PANX1: variants seen among roughly 807,000 people sequenced by gnomAD.
The protein encoded by PANX1 is pannexin-1.
PANX1 carries 30 observed loss-of-function variants against 38.7 expected under a neutral mutation model. The ratio of observed to expected loss-of-function variants is 0.78; its 90% CI spans 0.58 to 1.05. The LOEUF (loss-of-function observed/expected upper bound fraction) is 1.05. Ranked by LOEUF, PANX1 falls within the 50% of genes least tolerant of loss-of-function variation. The pLI is 0.00. For synonymous variants in PANX1, 230 were observed against 212.2 expected (o/e 1.08, Z -0.73); for missense variants, 551 against 517.2 (o/e 1.07, Z -0.63).
chr11:94,153,654 G>C (rs1946912177), intron 2 of PANX1, 24 bp downstream of exon 2: 1 of 1,607,860 alleles, frequency 6.2e-7, no homozygotes. Flanking sequence ...TTTCCAAATA[G>C]AACCTGTTTG....
chr11:94,133,660 G>A (rs1197751739), intron 1 of PANX1, among the ~76,000 whole-genome samples: 5 of 152,116 alleles, frequency 3.3e-5, no homozygotes, highest in Admixed American at 6.5e-5. Context: ...CCTCCTCTGA[G>A]ATTCAGCTGG....
chr11:94,144,261 A>G (rs1017802962), intron 1 of PANX1, among the ~76,000 whole-genome samples: 4 of 151,910 alleles, frequency 2.6e-5, no homozygotes, highest in African/African-American at 4.8e-5. Context: ...ATTTCTTACA[A>G]TGCAAAAACC....
intron 2 of PANX1, among the ~76,000 whole-genome samples, chr11:94,165,362 T>G (rs1947090863): frequency 6.6e-6 from 1 of 151,582 alleles, no homozygotes; most frequent in African/African-American, 2.4e-5. Flanking sequence ...TTATTATTAT[T>G]ATACTTTAAG....
In PANX1 at chr11:94,162,141, C is replaced by T. The variant is rs555674960; in HGVS notation, c.321+8511C>T. Among the ~76,000 whole-genome samples the T allele has an allele frequency of 2.6e-5, 4 of 152,300 alleles. No individual in the cohort carries two copies. In the East Asian group the frequency reaches 5.8e-4, roughly 22 times the overall value. ...TCAGTCTGCCCCTACTGGGGGGTGC[C>T]TCCCAGTTAGGCTGCTCGGGGGTCA... On this transcript the variant is annotated intron_variant, in intron 2 of 4. Transcript: ENST00000227638.
intron 2 of PANX1, among the ~76,000 whole-genome samples, chr11:94,172,931 A>G (rs963324224): frequency 6.6e-6 from 1 of 151,618 alleles, no homozygotes; most frequent in East Asian, 1.9e-4. Context: ...CTCCAGCTGC[A>G]CTCCAGAATG....
chr11:94,143,923 A>T (rs776572472), intron 1 of PANX1, among the ~76,000 whole-genome samples: 6 of 151,956 alleles, frequency 3.9e-5, no homozygotes, highest in Non-Finnish European at 5.9e-5. Flanking sequence ...TAATTTTTAA[A>T]TTTTTTGTAG....
rs76160840 is a variant in PANX1, at chr11:94,164,911, G to A, written c.321+11281G>A. 6.5e-3 allele frequency among the ~76,000 whole-genome samples: 989 copies of A among 152,116 alleles called. 9 individuals carry two copies. The highest frequency in any genetic ancestry group is 0.022 in the African/African-American group (904 of 41,498). The stretch of plus-strand genomic sequence containing the variant: ...TACACCCTCTTAGTGAATTGATCCC[G>A]TTATCATTATATAATGACTTACTTT... On this transcript the variant is annotated intron_variant, in intron 2 of 4. Coordinates refer to ENST00000227638, the MANE Select transcript of PANX1 (RefSeq NM_015368.4).
chr11:94,169,108 A>G (rs28775008), intron 2 of PANX1, among the ~76,000 whole-genome samples: 81,137 of 151,102 alleles, frequency 0.54, 22,921 homozygotes, highest in African/African-American at 0.67. Context: ...GCAGGCTAGA[A>G]TAGAGCTATA....
intron 1 of PANX1, among the ~76,000 whole-genome samples, chr11:94,138,555 A>G (rs939266280): frequency 1.3e-5 from 2 of 152,150 alleles, no homozygotes; most frequent in African/African-American, 4.8e-5. Context: ...TTCATGGGGT[A>G]TGTGAGATAT....
At chr11:94,164,239 G>A (rs1947078285) in intron 2 of PANX1, among the ~76,000 whole-genome samples, 1 of 151,740 alleles carries the variant, frequency 6.6e-6, no homozygotes, top group Admixed American at 6.6e-5. Context: ...ATAGTCTACT[G>A]AATTTGTGTT....
chr11:94,146,607 CTTCCTCGGGA>C (rs575841477), intron 1 of PANX1, among the ~76,000 whole-genome samples: 87 of 152,330 alleles, frequency 5.7e-4, no homozygotes, highest in African/African-American at 2.0e-3. Flanking sequence ...ACCCACAGCC[CTTCCTCGGGA>C]TTCCTGCCAG....
At chr11:94,177,705 T>C (rs374623796) in intron 2 of PANX1, among the ~76,000 whole-genome samples, 2 of 148,488 alleles carry the variant, frequency 1.3e-5, no homozygotes, top group African/African-American at 4.8e-5. Flanking sequence ...CTGATGTGGA[T>C]GCTCTCCTCT....
intron 2 of PANX1, among the ~76,000 whole-genome samples, chr11:94,168,692 C>T (rs990228214): frequency 5.3e-5 from 8 of 151,492 alleles, no homozygotes; most frequent in Admixed American, 2.0e-4. Context: ...TGGTCACTGT[C>T]GCAGCTACTT....
intron 1 of PANX1, among the ~76,000 whole-genome samples, chr11:94,141,798 A>G (rs1946764666): frequency 6.6e-6 from 1 of 152,192 alleles, no homozygotes. Flanking sequence ...AGAATTTCTC[A>G]GTGCCTAGCC....
Position 94,179,587 on chromosome 11 carries a change from T to A in PANX1, c.546-15T>A. ...GATGAGTGCCTAAGTTATTTTTGTT[T>A]CCTTTATTTTTTAGTTTGTGGGAGG... On this transcript the variant is annotated splice_polypyrimidine_tract_variant and intron_variant, in intron 3 of 4. Coordinates refer to ENST00000227638, the MANE Select transcript of PANX1 (RefSeq NM_015368.4). The A allele has an allele frequency of 6.2e-7, 1 of 1,602,170 alleles. No homozygotes were observed. Among genetic ancestry groups the A allele is most frequent in the Non-Finnish European group, 8.5e-7 (1 of 1,170,328 alleles).
At chr11:94,168,724 T>G (rs1183672780) in intron 2 of PANX1, among the ~76,000 whole-genome samples, 1 of 151,656 alleles carries the variant, frequency 6.6e-6, no homozygotes, top group African/African-American at 2.4e-5. Context: ...GTAGACATGA[T>G]TGCTTGTGGC....
chr11:94,161,252 C>T (rs1215216282), intron 2 of PANX1, among the ~76,000 whole-genome samples: 1 of 152,110 alleles, frequency 6.6e-6, no homozygotes, highest in Non-Finnish European at 1.5e-5. Flanking sequence ...TCTGTATTTC[C>T]TGAATCTGAA....
chr11:94,171,906 C>CTTT (rs58904240), intron 2 of PANX1, among the ~76,000 whole-genome samples: 45,321 of 144,826 alleles, frequency 0.31, 7,581 homozygotes, highest in Admixed American at 0.39. Flanking sequence ...TGAGAACTGG[C>CTTT]TTTTTTTTTT....
chr11:94,176,922 G>A (rs1409696414), intron 2 of PANX1, among the ~76,000 whole-genome samples: 1 of 151,648 alleles, frequency 6.6e-6, no homozygotes, highest in African/African-American at 2.4e-5. Flanking sequence ...GTCCCTGCCA[G>A]GGTTGCTGTG....
Sources: gnomAD v4.1 joint callset for allele counts (sites outside exome capture counted in the v4.1 genomes callset) on GRCh38, gnomAD v4.1.1 for gene constraint, MANE v1.5 for transcripts, NCBI Gene and HGNC (gene_info 2026-07-23, HGNC 2026-07-21) for gene names.